Variants in ZNF225 observed in about 807,000 individuals in gnomAD.
ZNF225 encodes zinc finger protein 225.
A neutral mutation model predicts 12.0 loss-of-function variants in ZNF225; 6 were observed. The observed-to-expected ratio is 0.50, with a 90% CI of 0.27 to 0.98. ZNF225 has a LOEUF of 0.98. Ranked by LOEUF, ZNF225 falls within the 50% of genes least tolerant of loss-of-function variation. The pLI is 0.11. For missense variants in ZNF225, 763 were observed against 848.2 expected, an observed-to-expected ratio of 0.90 and a Z score of 1.25; for synonymous variants, 271 against 283.2, an observed-to-expected ratio of 0.96 and a Z score of 0.43.
chr19:44,111,793 T>C (rs971338723), upstream of ZNF225, among the ~76,000 whole-genome samples: 3 of 152,224 alleles, frequency 2.0e-5, no homozygotes, highest in Non-Finnish European at 2.9e-5. Context: ...ACAGTAGTGA[T>C]TGCTTAGTGG....
At chr19:44,127,286 C>T (rs1687835210) in intron 4 of ZNF225, among the ~76,000 whole-genome samples, 1 of 152,234 alleles carries the variant, frequency 6.6e-6, no homozygotes, top group Non-Finnish European at 1.5e-5. Flanking sequence ...AGGTCGGAAA[C>T]TTCTCCCACA....
At chr19:44,111,966 A>T (rs1967840711), upstream of ZNF225, 1 of 152,170 alleles carries the variant, frequency 6.6e-6, no homozygotes, top group Admixed American at 6.6e-5. Flanking sequence ...TTAGGAGCGG[A>T]GGTTTAATAG....
chr19:44,112,595 G>A (rs563316603), upstream of ZNF225, among the ~76,000 whole-genome samples: 29 of 152,094 alleles, frequency 1.9e-4, no homozygotes, highest in African/African-American at 6.7e-4. Flanking sequence ...ACAAGTCAAA[G>A]GAAAAAAGCT....
Position 44,131,229 on chromosome 19 carries a change from T to C in ZNF225, c.615T>C (p.Asn205=), listed in dbSNP as rs764890743. The part of the protein sequence containing the change: ...QRVHMGEKLY[N]CDVCGKEFNQ... ...TTCACATGGGGGAGAAACTCTATAA[T>C]TGTGATGTGTGTGGTAAGGAATTCA... The change falls in exon 5 of 5, where the codon AAT becomes AAC. Residue 205 remains asparagine, a synonymous_variant. Coordinates refer to ENST00000262894, the MANE Select transcript of ZNF225 (RefSeq NM_013362.4). 1 of 1,614,176 alleles carries C rather than the reference T, an allele frequency of 6.2e-7. No homozygotes were observed. Among genetic ancestry groups the C allele is most frequent in the Non-Finnish European group, 8.5e-7 (1 of 1,180,026 alleles).
At chr19:44,126,293 C>T (rs534630947) in intron 4 of ZNF225, among the ~76,000 whole-genome samples, 21 of 152,236 alleles carry the variant, frequency 1.4e-4, no homozygotes, top group African/African-American at 4.1e-4. Context: ...GCCAAACTGC[C>T]GTGATTGTTG....
chr19:44,128,792 A>G (rs1968194183), intron 4 of ZNF225: 1 of 368,712 alleles, frequency 2.7e-6, no homozygotes, highest in African/African-American at 2.1e-5. Flanking sequence ...TTTTTCCTAA[A>G]TGCTTTTTAG....
At chr19:44,129,264 C>T in intron 4 of ZNF225, 1 of 446,872 alleles carries the variant, frequency 2.2e-6, no homozygotes, top group Non-Finnish European at 3.7e-6. Context: ...AGTGACAGCT[C>T]ACAGAAGACT....
chr19:44,132,700 G>T lies in ZNF225; in HGVS notation c.2086G>T (p.Asp696Tyr). The T allele has an allele frequency of 6.2e-7, 1 of 1,607,424 alleles. No individual in the cohort carries two copies. The highest frequency in any genetic ancestry group is 8.5e-7 in the Non-Finnish European group (1 of 1,177,854). Residue 696 changes from aspartate (D) to tyrosine (Y), a missense_variant, in exon 5 of 5, where the codon GAT becomes TAT. By Grantham distance (160) the Asp-to-Tyr change is radical. Transcript: ENST00000262894. ...GCGCTACAAGAGGCGCTTGAATCTTGATACGCTTTTGTCATTATTTTTAAA... is the reference window on the plus strand; with the variant it reads ...GCGCTACAAGAGGCGCTTGAATCTTTATACGCTTTTGTCATTATTTTTAAA... ...GKRYKRRLNL[D>Y]TLLSLFLNDT
At chr19:44,127,814 TATTTTTTAGTAGAGACAGA>T (rs780291123) in intron 4 of ZNF225, among the ~76,000 whole-genome samples, 2 of 151,946 alleles carry the variant, frequency 1.3e-5, no homozygotes, top group Non-Finnish European at 2.9e-5. Flanking sequence ...AATTTTTTTG[TATTTTTTAGTAGAGACAGA>T]GTTTCACCAT....
chr19:44,114,422 T>C (rs963540424), intron 1 of ZNF225, among the ~76,000 whole-genome samples: 13 of 152,226 alleles, frequency 8.5e-5, no homozygotes, highest in Admixed American at 4.6e-4. Context: ...TGGTCAAAGA[T>C]GTTCATTTGG....
chr19:44,114,878 T>C (rs1309743867), intron 1 of ZNF225, among the ~76,000 whole-genome samples: 2 of 152,222 alleles, frequency 1.3e-5, no homozygotes, highest in Non-Finnish European at 2.9e-5. Context: ...ATTGGTGATC[T>C]CAACTTTGTT....
In ZNF225 at chr19:44,131,668, C is replaced by T. The variant is rs372518928; in HGVS notation, c.1054C>T (p.Arg352Cys). The change falls in exon 5 of 5, where the codon CGC becomes TGC. Residue 352 changes from arginine (R) to cysteine (C), a missense_variant. By Grantham distance (180) the Arg-to-Cys change is radical. Coordinates refer to ENST00000262894, the MANE Select transcript of ZNF225 (RefSeq NM_013362.4). The part of the protein sequence containing the change: ...KRYKCEECGK[R>C]FIYRQDLYKH... ...GTACAAATGTGAGGAATGTGGAAAACGCTTCATTTATAGGCAAGATCTTTA... is the reference window on the plus strand; with the variant it reads ...GTACAAATGTGAGGAATGTGGAAAATGCTTCATTTATAGGCAAGATCTTTA... 142 of 1,613,858 alleles carry T rather than the reference C, an allele frequency of 8.8e-5. 2 individuals carry two copies. Among genetic ancestry groups the T allele is most frequent in the South Asian group, 6.6e-4 (60 of 91,060 alleles).
rs117864724 is a variant in ZNF225, at chr19:44,132,574, T to A, written c.1960T>A (p.Cys654Ser). 1 of 1,614,150 alleles carries A rather than the reference T, an allele frequency of 6.2e-7. No homozygotes were observed. Among genetic ancestry groups the A allele is most frequent in the South Asian group, 1.1e-5 (1 of 91,070 alleles). ...RLHSREKLLQ[C>S]EDCGKSIVHS... ...CCACAGTAGAGAAAAACTACTTCAA[T>A]GTGAGGACTGTGGGAAGAGCATTGT... The change falls in exon 5 of 5, where the codon TGT (cysteine) becomes AGT (serine). Residue 654 changes from cysteine (C) to serine (S), a missense_variant. Coordinates refer to ENST00000262894, the MANE Select transcript of ZNF225 (RefSeq NM_013362.4).
Position 44,132,178 on chromosome 19 carries a change from A to C in ZNF225, c.1564A>C (p.Thr522Pro). 6.2e-7 allele frequency: 1 copy of C among 1,613,590 alleles called. No homozygotes were observed. Among genetic ancestry groups the C allele is most frequent in the Non-Finnish European group, 8.5e-7 (1 of 1,179,914 alleles). Residue 522 changes from threonine to proline, a missense_variant, in exon 5 of 5, where the codon ACT becomes CCT. Coordinates refer to ENST00000262894, the MANE Select transcript of ZNF225 (RefSeq NM_013362.4). ...ATGTGAAGAGTGTGGGAAAAGATTT[A>C]CTCAGAATTCACAACTTTATTCTCA... is the stretch of plus-strand genomic sequence containing the variant. ...FKCEECGKRFTQNSQLYSHRR... is the reference protein window; with the variant it reads ...FKCEECGKRFPQNSQLYSHRR...
At chr19:44,129,214 A>G (rs927211133) in intron 4 of ZNF225, 1 of 814,508 alleles carries the variant, frequency 1.2e-6, no homozygotes, top group African/African-American at 1.8e-5. Flanking sequence ...GGTATTTGAT[A>G]TTTAGTATTG....
At position 44,131,680 on chromosome 19, in the gene ZNF225, A is replaced by G; in HGVS notation, c.1066A>G (p.Arg356Gly). The G allele has an allele frequency of 6.2e-7, 1 of 1,614,164 alleles. No homozygotes were observed. The change falls in exon 5 of 5, where the codon AGG becomes GGG. Residue 356 changes from arginine to glycine, a missense_variant. Coordinates refer to ENST00000262894, the MANE Select transcript of ZNF225 (RefSeq NM_013362.4). ...GGAATGTGGAAAACGCTTCATTTAT[A>G]GGCAAGATCTTTATAAGCATCAGAT... ...CEECGKRFIY[R>G]QDLYKHQIDH... is the part of the protein sequence containing the mutation.
At chr19:44,115,733 T>C (rs1174426310) in intron 1 of ZNF225, 27 bp from the exon 2 acceptor site, 6 of 1,299,184 alleles carry the variant, frequency 4.6e-6, no homozygotes, top group Non-Finnish European at 6.4e-6. Flanking sequence ...TCATGTCTCT[T>C]TTTCTGCCTT....
At chr19:44,130,057 G>A (rs557952724) in intron 4 of ZNF225, 1 of 152,304 alleles carries the variant, frequency 6.6e-6, no homozygotes, top group East Asian at 1.9e-4. Context: ...ATGACACGTG[G>A]TGTGGTTCTG....
At chr19:44,120,344 T>C (rs967473892) in intron 4 of ZNF225, among the ~76,000 whole-genome samples, 1 of 152,246 alleles carries the variant, frequency 6.6e-6, no homozygotes, top group African/African-American at 2.4e-5. Context: ...GAATTTTAGC[T>C]GTTTTGCTCA....
Sources: allele counts gnomAD v4.1 joint callset (sites outside exome capture counted in the v4.1 genomes callset), GRCh38; gene constraint gnomAD v4.1.1; transcripts MANE v1.5; gene names NCBI Gene and HGNC (gene_info 2026-07-23, HGNC 2026-07-21).